Variants in FGD1 observed in about 807,000 individuals in gnomAD.
FGD1 encodes FYVE, RhoGEF and PH domain containing 1, also known as FYVE, RhoGEF and PH domain-containing protein 1.
Under a neutral mutation model 65.0 loss-of-function variants are expected in FGD1, and 12 were observed. The observed-to-expected ratio is 0.18, with a 90% CI of 0.12 to 0.30. The LOEUF is 0.30. Among genes scored for constraint, FGD1 ranks in the 10% least tolerant of loss-of-function variants. FGD1 has a pLI of 1.00. For synonymous variants in FGD1, 333 were observed against 343.9 expected, an observed-to-expected ratio of 0.97 and a Z score of 0.35; for missense variants, 542 against 837.6, an observed-to-expected ratio of 0.65 and a Z score of 4.36.
chrX:54,462,894 A>G (rs1922671869), intron 8 of FGD1, among the ~76,000 whole-genome samples: 1 of 106,649 alleles, frequency 9.4e-6, no homozygotes, highest in Non-Finnish European at 1.9e-5. Context: ...CCTCCTGACT[A>G]GCTGGAATTA....
chrX:54,482,236 G>GTGCACACACACACACACA (rs1923161995), intron 1 of FGD1, among the ~76,000 whole-genome samples: 1 of 99,367 alleles, frequency 1.0e-5, no homozygotes, highest in Admixed American at 1.1e-4. Flanking sequence ...GCACACGCGC[G>GTGCACACACACACACACA]CACACACACA....
intron 12 of FGD1, among the ~76,000 whole-genome samples, 197 bp from the exon 13 acceptor site, chrX:54,450,498 C>A (rs1213361055): frequency 9.0e-6 from 1 of 111,678 alleles, no homozygotes; most frequent in Non-Finnish European, 1.9e-5. Flanking sequence ...ACTTTCCAGA[C>A]CCTGTGCTAA....
chrX:54,450,294 C>T lies in FGD1; in HGVS notation c.2023G>A (p.Glu675Lys), dbSNP rs1467677907. Residue 675 changes from glutamate to lysine, a missense_variant, in exon 13 of 18, where the codon GAG becomes AAG. By Grantham distance (56) the Glu-to-Lys change is moderately conservative (BLOSUM62 1). Coordinates refer to ENST00000375135, the MANE Select transcript of FGD1 (RefSeq NM_004463.3). The part of the protein sequence containing the change: ...RSLELQARTE[E>K]EKKDWVQAIN... ...ACCTGGACCCAGTCTTTCTTCTCCT[C>T]CTCAGTCCTTGGGGTGGGGAATAAA... is the stretch of plus-strand genomic sequence containing the variant. 8.3e-7 allele frequency: 1 copy of T among 1,208,456 alleles called. No individual in the cohort carries two copies. Among genetic ancestry groups the T allele is most frequent in the Non-Finnish European group, 1.1e-6 (1 of 894,239 alleles).
chrX:54,486,147 C>T (rs1332958929), intron 1 of FGD1, among the ~76,000 whole-genome samples: 19 of 111,369 alleles, frequency 1.7e-4, no homozygotes, highest in African/African-American at 6.2e-4. Flanking sequence ...AGCGCAGTGG[C>T]ACAATCTCGA....
chrX:54,471,371 C>T lies in FGD1; in HGVS notation c.424G>A (p.Glu142Lys), dbSNP rs1303177629. 2 of 1,211,283 alleles carry T rather than the reference C, an allele frequency of 1.7e-6. No homozygotes were observed. Among genetic ancestry groups the T allele is most frequent in the Admixed American group, 4.3e-5 (2 of 46,096 alleles). ...GGTGAAGGACGCTGGCTAGGGGTTTCAGTCGGGGGACCTGGGTCTGAGCGA... is the reference window on the plus strand; with the variant it reads ...GGTGAAGGACGCTGGCTAGGGGTTTTAGTCGGGGGACCTGGGTCTGAGCGA... ...RLRSDPGPPT[E>K]TPSQRPSPLK... is the part of the protein sequence containing the mutation. The change falls in exon 2 of 18, where the codon GAA becomes AAA. Residue 142 changes from glutamate (E) to lysine (K), a missense_variant. Transcript: ENST00000375135.
intron 14 of FGD1, 113 bp from the exon 15 acceptor site, chrX:54,449,381 G>C: frequency 1.0e-6 from 1 of 973,853 alleles, no homozygotes; most frequent in South Asian, 2.1e-5. Context: ...TGGGCTGGGG[G>C]TAGGGGGAGC....
In FGD1 at chrX:54,446,384, T is replaced by C. The variant is rs1269443836; in HGVS notation, c.2611A>G (p.Ile871Val). Residue 871 changes from isoleucine (I) to valine (V), a missense_variant, in exon 18 of 18, where the codon ATT (isoleucine) becomes GTT (valine). Physicochemically the swap from Ile to Val is conservative, Grantham distance 29. Transcript: ENST00000375135. ...TCGGGCGGTCCCACCTCGAAGCCAA[T>C]GAGGGGCAGGCTGCGCTGGGCTTTC... ...DVKAQRSLPL[I>V]GFEVGPPEAG... 5.8e-6 allele frequency: 7 copies of C among 1,208,864 alleles called. No individual in the cohort carries two copies. Among genetic ancestry groups the C allele is most frequent in the Admixed American group, 2.2e-5 (1 of 45,711 alleles).
intron 12 of FGD1, among the ~76,000 whole-genome samples, chrX:54,453,098 T>TG (rs1199286044): frequency 8.9e-6 from 1 of 112,197 alleles, no homozygotes; most frequent in African/African-American, 3.2e-5. Context: ...ATTGCTTGGC[T>TG]GCCCCTTCTG....
intron 8 of FGD1, among the ~76,000 whole-genome samples, chrX:54,460,102 T>TA (rs146001476): frequency 2.6e-3 from 227 of 88,955 alleles, no homozygotes; most frequent in African/African-American, 7.2e-3. Context: ...CCGTCTCTAC[T>TA]AAAAAAAAAA....
At chrX:54,466,539 G>A (rs1490985677) in intron 6 of FGD1, among the ~76,000 whole-genome samples, 2 of 111,314 alleles carry the variant, frequency 1.8e-5, no homozygotes, top group Admixed American at 9.6e-5. Context: ...AAGAAGGCCT[G>A]AGAGGCTGCC....
intron 12 of FGD1, among the ~76,000 whole-genome samples, chrX:54,453,987 A>G (rs1922435164): frequency 8.9e-6 from 1 of 112,373 alleles, no homozygotes; most frequent in South Asian, 3.6e-4. Context: ...AAAAACTTCA[A>G]GCATACAAAA....
chrX:54,449,388 G>A (rs1922323453), intron 14 of FGD1, 120 bp from the exon 15 acceptor site: 1 of 913,568 alleles, frequency 1.1e-6, no homozygotes, highest in African/African-American at 1.9e-5. Flanking sequence ...GGGGTAGGGG[G>A]AGCAGCCACA....
At chrX:54,459,544 T>C (rs1301712537) in intron 8 of FGD1, among the ~76,000 whole-genome samples, 6 of 110,650 alleles carry the variant, frequency 5.4e-5, no homozygotes, top group Non-Finnish European at 1.1e-4. Context: ...GTCTGGAAAG[T>C]AGAAAGTGGG....
intron 8 of FGD1, among the ~76,000 whole-genome samples, chrX:54,464,127 C>CTTTT (rs1195226924): frequency 6.5e-4 from 33 of 50,561 alleles, no homozygotes; most frequent in East Asian, 4.4e-3. Context: ...ACGCCCAGCT[C>CTTTT]TTTTTTTTTT....
chrX:54,461,622 A>G (rs1271351744), intron 8 of FGD1, among the ~76,000 whole-genome samples: 1 of 105,433 alleles, frequency 9.5e-6, no homozygotes, highest in Non-Finnish European at 1.9e-5. Context: ...AAAAAAAAAA[A>G]AAAAGAAAAA....
chrX:54,457,942 C>A (rs1922542675), intron 8 of FGD1, among the ~76,000 whole-genome samples: 1 of 112,245 alleles, frequency 8.9e-6, no homozygotes, highest in Non-Finnish European at 1.9e-5. Context: ...TCTCCCCACT[C>A]AGATCAGCCT....
At chrX:54,475,941 C>G (rs745311484) in intron 1 of FGD1, among the ~76,000 whole-genome samples, 1 of 111,869 alleles carries the variant, frequency 8.9e-6, no homozygotes, top group South Asian at 3.7e-4. Flanking sequence ...TGGCGCATGC[C>G]TGTAATACCA....
intron 10 of FGD1, among the ~76,000 whole-genome samples, chrX:54,456,001 C>T (rs1228262155): frequency 8.9e-6 from 1 of 112,362 alleles, no homozygotes; most frequent in Non-Finnish European, 1.9e-5. Context: ...GGCTTATTTG[C>T]CTCATCTGTA....
chrX:54,488,974 T>C (rs1923354304), intron 1 of FGD1, among the ~76,000 whole-genome samples: 1 of 112,215 alleles, frequency 8.9e-6, no homozygotes, highest in African/African-American at 3.2e-5. Flanking sequence ...AATACCATTT[T>C]GGACATAGGA....
Sources: gnomAD v4.1 joint callset for allele counts (sites outside exome capture counted in the v4.1 genomes callset) on GRCh38, gnomAD v4.1.1 for gene constraint, MANE v1.5 for transcripts, NCBI Gene and HGNC (gene_info 2026-07-23, HGNC 2026-07-21) for gene names.